MED22: variants seen among roughly 807,000 people sequenced by gnomAD.
MED22 encodes mediator complex subunit 22.
A neutral mutation model predicts 22.7 loss-of-function variants in MED22; 22 were observed. The observed-to-expected ratio is 0.97, with a 90% confidence interval of 0.69 to 1.38. The LOEUF is 1.38. Ranked by LOEUF, MED22 falls within the 40% of genes most tolerant of loss-of-function variation. The probability of loss-of-function intolerance (pLI) is 0.00; values close to 1 mark genes in which losing one functional copy is unlikely to be tolerated. For synonymous variants in MED22, 134 were observed against 119.4 expected, an observed-to-expected ratio of 1.12 and a Z score of -0.80; for missense variants, 247 against 263.0, an observed-to-expected ratio of 0.94 and a Z score of 0.42.
chr9:133,344,221 C>A lies in MED22; in HGVS notation c.317G>T (p.Arg106Leu), dbSNP rs2129960667. 5 of 1,614,052 alleles carry A rather than the reference C, an allele frequency of 3.1e-6. No individual in the cohort carries two copies. Among genetic ancestry groups the A allele is most frequent in the South Asian group, 2.2e-5 (2 of 91,088 alleles). Reference sequence around the variant, plus strand: ...CCGGTCGCACTCCTCCTGCAGTGTGCGCAGCTGCTGGTTGCGCTGGTCAAT... The same window carrying A: ...CCGGTCGCACTCCTCCTGCAGTGTGAGCAGCTGCTGGTTGCGCTGGTCAAT... Reference protein sequence around the residue: ...EAIDQRNQQLRTLQEECDRKL... With the variant: ...EAIDQRNQQLLTLQEECDRKL... The change falls in exon 4 of 5, where the codon CGC (arginine) becomes CTC (leucine). Residue 106 changes from arginine to leucine, a missense_variant. Transcript: ENST00000343730.
At position 133,344,298 on chromosome 9, in the gene MED22, G is replaced by T; in HGVS notation, c.240C>A (p.Ser80=). 1 of 1,614,164 alleles carries T rather than the reference G, an allele frequency of 6.2e-7. No individual in the cohort carries two copies. Among genetic ancestry groups the T allele is most frequent in the African/African-American group, 1.3e-5 (1 of 75,050 alleles). The change falls in exon 4 of 5, where the codon TCC becomes TCA. Residue 80 remains serine, a synonymous_variant. Coordinates refer to ENST00000343730, the MANE Select transcript of MED22 (RefSeq NM_133640.5). ...RAGESLMKLV[S]DLKQFLILND... ...TGAGGATCAGGAACTGCTTGAGGTCGGACACCAGCTTCATCAGGGACTCGC... is the reference window on the plus strand; with the variant it reads ...TGAGGATCAGGAACTGCTTGAGGTCTGACACCAGCTTCATCAGGGACTCGC...
At position 133,339,414 on chromosome 9, in the gene MED22, T is replaced by G; in HGVS notation, c.*2091A>C. 1.3e-6 allele frequency: 1 copy of G among 786,864 alleles called. No individual in the cohort carries two copies. The highest frequency in any genetic ancestry group is 1.3e-5 in the South Asian group (1 of 74,840). The allele number at this position is 786,864 out of a possible 1,614,324, so 48.7% of individuals were successfully genotyped here. On this transcript the variant is annotated 3_prime_UTR_variant, in exon 5 of 5. Transcript: ENST00000343730. Reference sequence around the variant, plus strand: ...CAGAGCAGCACACTGTGAGAACCAATGGGAAGGAGCCTGAGCTGCTGGAAC... The same window carrying G: ...CAGAGCAGCACACTGTGAGAACCAAGGGGAAGGAGCCTGAGCTGCTGGAAC...
chr9:133,341,622 A>C lies in MED22; in HGVS notation c.486T>G (p.Ser162=), dbSNP rs1395344360. Residue 162 remains serine (S), a synonymous_variant, in exon 5 of 5, where the codon TCT becomes TCG. Coordinates refer to ENST00000343730, the MANE Select transcript of MED22 (RefSeq NM_133640.5). ...GCAGAGGGGCCGAGAGGCCATCAGC[A>C]GAGTCTGTGTCGAGGTCCAGCCTCC... ...AYGRLDLDTD[S]ADGLSAPLLA... is the part of the protein sequence containing the mutation. 4 of 1,602,200 alleles carry C rather than the reference A, an allele frequency of 2.5e-6. No homozygotes were observed. The highest frequency in any genetic ancestry group is 3.4e-6 in the Non-Finnish European group (4 of 1,175,278).
chr9:133,346,264 G>A (rs1257425230), intron 2 of MED22: 2 of 387,294 alleles, frequency 5.2e-6, no homozygotes, highest in Non-Finnish European at 9.5e-6. Context: ...AGGCCCCGAG[G>A]TAACTGTTTT....
chr9:133,343,826 A>G, intron 4 of MED22: 1 of 1,405,274 alleles, frequency 7.1e-7, no homozygotes, highest in African/African-American at 1.4e-5. Flanking sequence ...GGCTCTCGGA[A>G]GAGGGCCTGC....
At chr9:133,342,441 C>G (rs1836034521) in intron 4 of MED22, 1 of 985,934 alleles carries the variant, frequency 1.0e-6, no homozygotes, top group Non-Finnish European at 1.2e-6. Flanking sequence ...TCAGAACCGT[C>G]CTGGGCACAG....
At chr9:133,343,051 C>T in intron 4 of MED22, 6 of 989,512 alleles carry the variant, frequency 6.1e-6, no homozygotes, top group Non-Finnish European at 7.2e-6. Context: ...AATGCTGCCT[C>T]ATGTCTGCTG....
rs2307822 is a variant in MED22, at chr9:133,340,452, C to CAGTGCTCCCTCAT, written c.*1052_*1053insATGAGGGAGCACT. The CAGTGCTCCCTCAT allele has an allele frequency of 6.6e-6, 1 of 151,676 alleles. No homozygotes were observed. Among genetic ancestry groups the CAGTGCTCCCTCAT allele is most frequent in the Admixed American group, 6.6e-5 (1 of 15,230 alleles). 9.4% of individuals were successfully genotyped at this position (151,676 alleles called of 1,614,324 possible). ...GGAACTGGGGTGGGGTGCTCCCCCACACTTCCTGTGGACGAACTGTGCTCC... is the reference window on the plus strand; with the variant it reads ...GGAACTGGGGTGGGGTGCTCCCCCACAGTGCTCCCTCATACTTCCTGTGGACGAACTGTGCTCC... On this transcript the variant is annotated 3_prime_UTR_variant, in exon 5 of 5. Coordinates refer to ENST00000343730, the MANE Select transcript of MED22 (RefSeq NM_133640.5).
intron 4 of MED22, chr9:133,343,450 CGGA>C: frequency 8.1e-7 from 1 of 1,227,370 alleles, no homozygotes; most frequent in Non-Finnish European, 1.0e-6. Flanking sequence ...CAGCTTCTTA[CGGA>C]GCCCCACAAG....
chr9:133,339,708 A>G lies in MED22; in HGVS notation c.*1797T>C, dbSNP rs1588676660. On this transcript the variant is annotated 3_prime_UTR_variant, in exon 5 of 5. Transcript: ENST00000343730. ...AGCTTGGGATAAAAGAGTTACATGG[A>G]CTGAGAATGGGCCGGGGCTTAGCAA... is the stretch of plus-strand genomic sequence containing the variant. The G allele has an allele frequency of 3.5e-6, 1 of 288,856 alleles. No individual in the cohort carries two copies. The highest frequency in any genetic ancestry group is 4.9e-5 in the Admixed American group (1 of 20,588). 17.9% of individuals were successfully genotyped at this position (288,856 alleles called of 1,614,324 possible).
At chr9:133,341,993 G>C in intron 4 of MED22, 1 of 1,186,490 alleles carries the variant, frequency 8.4e-7, no homozygotes, top group Non-Finnish European at 1.0e-6. Flanking sequence ...GCCTGTCCTA[G>C]CCTATGCCTC....
intron 4 of MED22, chr9:133,343,729 T>A (rs889445773): frequency 7.7e-7 from 1 of 1,294,592 alleles, no homozygotes; most frequent in African/African-American, 1.5e-5. Context: ...CAAAAAAGGC[T>A]GGCCCAGCCT....
intron 2 of MED22, among the ~76,000 whole-genome samples, chr9:133,345,456 G>A (rs1377062081): frequency 7.9e-5 from 12 of 152,158 alleles, no homozygotes; most frequent in Admixed American, 7.9e-4. Flanking sequence ...TTCTGGCCAT[G>A]GGAGACAACA....
rs2129952052 is a variant in MED22, at chr9:133,342,075, A to G, written c.414-381T>C. 3.5e-5 allele frequency: 38 copies of G among 1,092,858 alleles called. No individual in the cohort carries two copies. In the South Asian group the frequency reaches 6.3e-4, roughly 18 times the overall value. 67.7% of individuals were successfully genotyped at this position (1,092,858 alleles called of 1,614,324 possible). A position where few individuals can be genotyped will look rare whatever the true frequency, so the allele number is the denominator to read the frequency against. On this transcript the variant is annotated intron_variant, in intron 4 of 4. Transcript: ENST00000343730. ...GCCACCCTCCCTCCTCCCTGACTGCAGAAACCCCAGTGTCACTACACTGCA... is the reference window on the plus strand; with the variant it reads ...GCCACCCTCCCTCCTCCCTGACTGCGGAAACCCCAGTGTCACTACACTGCA...
chr9:133,344,115 C>T lies in MED22; in HGVS notation c.413+10G>A, dbSNP rs144986364. ...CCCGCTCTGCATGGGGAGTCCAGCG[C>T]TATTTATACCTGGACGAGTAATACT... On this transcript the variant is annotated intron_variant, in intron 4 of 4. Coordinates refer to ENST00000343730, the MANE Select transcript of MED22 (RefSeq NM_133640.5). The T allele has an allele frequency of 1.8e-5, 29 of 1,614,076 alleles. No homozygotes were observed. In the African/African-American group the frequency reaches 2.4e-4, roughly 13 times the overall value.
At position 133,339,328 on chromosome 9, in the gene MED22, A is replaced by G. The variant is rs1196144351; in HGVS notation, c.*2177T>C. 8.4e-6 allele frequency: 6 copies of G among 716,500 alleles called. No individual in the cohort carries two copies. Among genetic ancestry groups the G allele is most frequent in the Admixed American group, 3.6e-5 (2 of 56,338 alleles). The allele number at this position is 716,500 out of a possible 1,614,324, so 44.4% of individuals were successfully genotyped here. On this transcript the variant is annotated 3_prime_UTR_variant, in exon 5 of 5. Transcript: ENST00000343730. ...AAACGCGTGAAGGAAAATGATCAGA[A>G]AAAGAGGGAAGCCAAAGAGAAAGGT... is the stretch of plus-strand genomic sequence containing the variant.
At chr9:133,344,103 G>C (rs1482772333) in intron 4 of MED22, 22 bp downstream of exon 4, 4 of 1,612,998 alleles carry the variant, frequency 2.5e-6, no homozygotes, top group Non-Finnish European at 3.4e-6. Flanking sequence ...GCTCTGCATG[G>C]GGAGTCCAGC....
At position 133,341,554 on chromosome 9, in the gene MED22, G is replaced by A; in HGVS notation, c.554C>T (p.Ala185Val). The A allele has an allele frequency of 6.4e-7, 1 of 1,555,606 alleles. No homozygotes were observed. Among genetic ancestry groups the A allele is most frequent in the Non-Finnish European group, 8.6e-7 (1 of 1,159,204 alleles). The part of the protein sequence containing the change: ...EPSAGPLQVA[A>V]PAHSHAGGPG... ...GCCACCAGCATGGGAGTGGGCAGGG[G>A]CTGCCACCTGTAGGGGGCCAGCACT... Residue 185 changes from alanine to valine, a missense_variant, in exon 5 of 5, where the codon GCC becomes GTC. Coordinates refer to ENST00000343730, the MANE Select transcript of MED22 (RefSeq NM_133640.5).
chr9:133,343,456 CCCACAA>C, intron 4 of MED22: 1 of 1,228,512 alleles, frequency 8.1e-7, no homozygotes, highest in Non-Finnish European at 1.0e-6. Flanking sequence ...CTTACGGAGC[CCCACAA>C]GGGTCAGGAT....
Sources: gnomAD v4.1 joint callset for allele counts (sites outside exome capture counted in the v4.1 genomes callset) on GRCh38, gnomAD v4.1.1 for gene constraint, MANE v1.5 for transcripts, NCBI Gene and HGNC (gene_info 2026-07-23, HGNC 2026-07-21) for gene names.